The following ZNF730 variants were observed in gnomAD, a reference collection of about 807,000 sequenced individuals.
The protein encoded by ZNF730 is zinc finger protein 730.
ZNF730 carries 12 observed loss-of-function variants against 12.6 expected under a neutral mutation model. The ratio of observed to expected loss-of-function variants is 0.95; its 90% CI spans 0.61 to 1.54. The LOEUF (loss-of-function observed/expected upper bound fraction) is 1.54, where lower values mean the gene tolerates loss of function less well. ZNF730 is among the 40% of genes most tolerant of loss of function. The pLI is 0.00. For synonymous variants in ZNF730, 194 were observed against 195.8 expected, an observed-to-expected ratio of 0.99 and a Z score of 0.08; for missense variants, 643 against 583.5, an observed-to-expected ratio of 1.10 and a Z score of -1.05.
chr19:23,085,496 C>CTTTT (rs58871710), intron 1 of ZNF730, among the ~76,000 whole-genome samples: 20 of 52,786 alleles, frequency 3.8e-4, no homozygotes, highest in East Asian at 1.6e-3. Flanking sequence ...CCATGCCCGT[C>CTTTT]TTTTTTTTTT....
chr19:23,142,086 A>T (rs1012581238), intron 3 of ZNF730, among the ~76,000 whole-genome samples: 2 of 152,204 alleles, frequency 1.3e-5, no homozygotes, highest in Non-Finnish European at 2.9e-5. Flanking sequence ...ACAGAAACAC[A>T]CGTGTATATA....
At chr19:23,138,939 C>A (rs1439593566) in intron 3 of ZNF730, among the ~76,000 whole-genome samples, 1 of 152,012 alleles carries the variant, frequency 6.6e-6, no homozygotes, top group Admixed American at 6.6e-5. Flanking sequence ...AAATAGGGCA[C>A]CTTTTATTTT....
chr19:23,077,027 C>A (rs1217207701), intron 1 of ZNF730, among the ~76,000 whole-genome samples: 4 of 152,210 alleles, frequency 2.6e-5, no homozygotes, highest in South Asian at 4.1e-4. Context: ...GAGATCATGT[C>A]TTTCGGAGGA....
chr19:23,147,037 G>A lies in ZNF730; in HGVS notation c.*481G>A. 1 of 277,642 alleles carries A rather than the reference G, an allele frequency of 3.6e-6. No homozygotes were observed. Among genetic ancestry groups the A allele is most frequent in the Non-Finnish European group, 7.0e-6 (1 of 143,554 alleles). The allele number at this position is 277,642 out of a possible 1,614,324, so 17.2% of individuals were successfully genotyped here. ...AATTGTAGGTAAGGTGATTCATACT[G>A]GAGAAAACTTCTACAAGTGTAAACA... On this transcript the variant is annotated 3_prime_UTR_variant, in exon 4 of 4. Coordinates refer to ENST00000597761, the MANE Select transcript of ZNF730 (RefSeq NM_001277403.2).
At chr19:23,133,712 A>G (rs995051258) in intron 1 of ZNF730, among the ~76,000 whole-genome samples, 7 of 152,196 alleles carry the variant, frequency 4.6e-5, no homozygotes, top group East Asian at 3.8e-4. Context: ...TTTATTGTAG[A>G]CATTACAATT....
intron 3 of ZNF730, among the ~76,000 whole-genome samples, chr19:23,140,293 T>A (rs1970895844): frequency 1.3e-5 from 2 of 152,182 alleles, no homozygotes; most frequent in Non-Finnish European, 2.9e-5. Flanking sequence ...AAATTTATAA[T>A]TTTGTATCTT....
In ZNF730 at chr19:23,085,372, T is replaced by C. The variant is rs947993306; in HGVS notation, c.-94+9985T>C. On this transcript the variant is annotated intron_variant, in intron 1 of 2. Transcript: ENST00000593635. The stretch of plus-strand genomic sequence containing the variant: ...CATCTTTTTTTGCTTTTTTTCTTTT[T>C]TTTTAAGTAGAGACAGGGTTTCACC... 3.3e-5 allele frequency among the ~76,000 whole-genome samples: 5 copies of C among 151,796 alleles called. No individual in the cohort carries two copies. In the South Asian group the frequency reaches 8.3e-4, roughly 25 times the overall value.
In ZNF730 at chr19:23,145,858, A is replaced by G; in HGVS notation, c.814A>G (p.Thr272Ala). 6.2e-7 allele frequency: 1 copy of G among 1,608,410 alleles called. No individual in the cohort carries two copies. The highest frequency in any genetic ancestry group is 1.3e-5 in the African/African-American group (1 of 74,780). The stretch of plus-strand genomic sequence containing the variant: ...ATTTTTTAACCAATCCACAAACCTT[A>G]CTACACATAAAAGAATTCATACTGG... The part of the protein sequence containing the change: ...GKFFNQSTNL[T>A]THKRIHTGEK... The change falls in exon 4 of 4, where the codon ACT (threonine) becomes GCT (alanine). Residue 272 changes from threonine to alanine, a missense_variant. Physicochemically the swap from Thr to Ala is moderately conservative, Grantham distance 58. Transcript: ENST00000597761.
chr19:23,092,702 T>A (rs1360775650), intron 1 of ZNF730, among the ~76,000 whole-genome samples: 1 of 151,750 alleles, frequency 6.6e-6, no homozygotes. Context: ...GGATTGCATG[T>A]GTGAGCCACC....
At chr19:23,106,937 T>C (rs1403831627) in intron 1 of ZNF730, among the ~76,000 whole-genome samples, 2 of 152,198 alleles carry the variant, frequency 1.3e-5, no homozygotes, top group Non-Finnish European at 2.9e-5. Context: ...AATTAGCAAT[T>C]TTTAAAACTA....
At chr19:23,097,964 C>T (rs557220125) in intron 1 of ZNF730, among the ~76,000 whole-genome samples, 3 of 152,168 alleles carry the variant, frequency 2.0e-5, no homozygotes, top group Non-Finnish European at 4.4e-5. Flanking sequence ...CATGGCAAAA[C>T]GCTGTCTCTA....
rs549724102 is a variant in ZNF730 at position 23,082,758 on chromosome 19, A to G, written c.-94+7371A>G. Among the ~76,000 whole-genome samples, 677 of 152,078 alleles carry G rather than the reference A, an allele frequency of 4.5e-3. 4 individuals carry two copies. Among genetic ancestry groups the G allele is most frequent in the Non-Finnish European group, 6.4e-3 (432 of 67,998 alleles). On this transcript the variant is annotated intron_variant, in intron 1 of 2. Transcript: ENST00000593635. The stretch of plus-strand genomic sequence containing the variant: ...CTCTTGTTACCCAGGCTGGAGTGCA[A>G]TGGCGTGATCTCGGCTCACCGCAAT...
upstream of ZNF730, among the ~76,000 whole-genome samples, chr19:23,113,119 A>T (rs188984184): frequency 8.5e-5 from 13 of 152,338 alleles, no homozygotes; most frequent in Admixed American, 2.0e-4. Context: ...GCAGTTGCTA[A>T]TTCTTGTAGT....
In ZNF730 at chr19:23,146,154, T is replaced by A. The variant is rs759468650; in HGVS notation, c.1110T>A (p.Tyr370Ter). The change falls in exon 4 of 4, where the codon TAT becomes TAA. Residue 370 changes from tyrosine to a stop codon, truncating the protein, a stop_gained. Coordinates refer to ENST00000597761, the MANE Select transcript of ZNF730 (RefSeq NM_001277403.2). LOFTEE classifies it low-confidence loss of function (END_TRUNC). ...ITHTGGKPYK[Y>*]KECGKAFNQS... Reference sequence around the variant, plus strand: ...ATACTGGAGGGAAACCCTACAAATATAAAGAATGTGGTAAAGCTTTTAACC... The same window carrying A: ...ATACTGGAGGGAAACCCTACAAATAAAAAGAATGTGGTAAAGCTTTTAACC... The A allele has an allele frequency of 3.7e-6, 6 of 1,608,026 alleles. No individual in the cohort carries two copies. The highest frequency in any genetic ancestry group is 4.2e-6 in the Non-Finnish European group (5 of 1,176,780).
intron 1 of ZNF730, among the ~76,000 whole-genome samples, chr19:23,107,449 C>CAAAAAAAAAAAAAAAAAAAAA (rs57120684): frequency 1.1e-4 from 5 of 47,316 alleles, no homozygotes; most frequent in Non-Finnish European, 1.4e-4. Context: ...AAAAAAATAC[C>CAAAAAAAAAAAAAAAAAAAAA]AAAAAAAAAA....
At chr19:23,136,236 A>G in intron 3 of ZNF730, 193 bp downstream of exon 3, 2 of 326,164 alleles carry the variant, frequency 6.1e-6, no homozygotes, top group Non-Finnish European at 1.0e-5. Flanking sequence ...TATCTTTTTT[A>G]AAATCTCTAA....
At chr19:23,140,480 G>T (rs370323558) in intron 3 of ZNF730, among the ~76,000 whole-genome samples, 1 of 151,312 alleles carries the variant, frequency 6.6e-6, no homozygotes. Flanking sequence ...GTGTAGTGGC[G>T]TGCACCTGTA....
intron 3 of ZNF730, among the ~76,000 whole-genome samples, chr19:23,144,680 AC>A (rs1382175003): frequency 1.8e-5 from 2 of 109,124 alleles, no homozygotes; most frequent in East Asian, 3.0e-4. Flanking sequence ...AGCCTGGGTG[AC>A]AGAGCAAGAC....
intron 1 of ZNF730, among the ~76,000 whole-genome samples, chr19:23,087,869 TC>T (rs1407849997): frequency 1.3e-5 from 2 of 152,086 alleles, no homozygotes; most frequent in African/African-American, 4.8e-5. Flanking sequence ...CACCTCGGCC[TC>T]CCAAAGTGCT....
Sources: allele counts gnomAD v4.1 joint callset (sites outside exome capture counted in the v4.1 genomes callset), GRCh38; gene constraint gnomAD v4.1.1; transcripts MANE v1.5; gene names NCBI Gene and HGNC (gene_info 2026-07-23, HGNC 2026-07-21).